Variants in C6orf89 observed in about 807,000 individuals in gnomAD.
C6orf89 encodes the protein bombesin receptor-activated protein C6orf89.
Under a neutral mutation model 40.7 loss-of-function variants are expected in C6orf89, and 29 were observed. That is an observed-to-expected ratio of 0.71 (90% CI 0.53 to 0.97). The LOEUF (loss-of-function observed/expected upper bound fraction) is 0.97. C6orf89 is among the 50% of genes least tolerant of loss of function. The pLI, the probability that C6orf89 is intolerant of heterozygous loss-of-function variation, is 0.00. For missense variants in C6orf89, 392 were observed against 429.1 expected (o/e 0.91, Z 0.76); for synonymous variants, 165 against 152.2 (o/e 1.08, Z -0.62).
intron 4 of C6orf89, among the ~76,000 whole-genome samples, chr6:36,913,270 C>T (rs1762189978): frequency 6.6e-6 from 1 of 152,208 alleles, no homozygotes; most frequent in Non-Finnish European, 1.5e-5. Context: ...GGTTGGGGGT[C>T]TTCCATTTCT....
chr6:36,912,734 C>T (rs778801267), intron 4 of C6orf89, among the ~76,000 whole-genome samples: 42 of 152,134 alleles, frequency 2.8e-4, no homozygotes, highest in Non-Finnish European at 1.8e-4. Flanking sequence ...CAGTTGCCTC[C>T]AGGAAACACA....
intron 1 of C6orf89, among the ~76,000 whole-genome samples, chr6:36,891,809 T>G (rs1761218574): frequency 6.6e-6 from 1 of 152,248 alleles, no homozygotes; most frequent in Non-Finnish European, 1.5e-5. Context: ...TGAAACTTTC[T>G]TTTGAACTGT....
chr6:36,910,225 G>A (rs1250246559), intron 4 of C6orf89, among the ~76,000 whole-genome samples: 1 of 151,914 alleles, frequency 6.6e-6, no homozygotes, highest in African/African-American at 2.4e-5. Context: ...CTCCTGAGTA[G>A]CTGGGACTAA....
intron 2 of C6orf89, among the ~76,000 whole-genome samples, chr6:36,897,867 G>T (rs902906285): frequency 1.2e-5 from 1 of 86,262 alleles, no homozygotes; most frequent in Admixed American, 1.1e-4. Flanking sequence ...GAGAATACAC[G>T]TACTATGTCA....
intron 8 of C6orf89, 74 bp from the exon 9 acceptor site, chr6:36,923,273 C>G: frequency 9.1e-7 from 1 of 1,101,166 alleles, no homozygotes; most frequent in African/African-American, 1.6e-5. Flanking sequence ...TCTGGCAGAC[C>G]TGCCTTGCTC....
At chr6:36,921,693 A>C (rs981839971) in intron 8 of C6orf89, among the ~76,000 whole-genome samples, 1 of 150,366 alleles carries the variant, frequency 6.7e-6, no homozygotes, top group African/African-American at 2.5e-5. Flanking sequence ...AACACTTAAC[A>C]TGAGATCTAC....
At chr6:36,900,872 G>T (rs1252036836) in intron 3 of C6orf89, among the ~76,000 whole-genome samples, 1 of 150,886 alleles carries the variant, frequency 6.6e-6, no homozygotes, top group African/African-American at 2.4e-5. Flanking sequence ...TTGAGACAGA[G>T]TTTCACTCTT....
intron 4 of C6orf89, among the ~76,000 whole-genome samples, chr6:36,913,109 C>T (rs1040703906): frequency 6.6e-6 from 1 of 152,074 alleles, no homozygotes; most frequent in Admixed American, 6.5e-5. Context: ...CAAAATGGAA[C>T]AGAAAGTAAA....
At chr6:36,918,495 T>C (rs9462247) in intron 7 of C6orf89, among the ~76,000 whole-genome samples, 3,609 of 152,278 alleles carry the variant, frequency 0.024, 119 homozygotes, top group African/African-American at 0.08. Flanking sequence ...GAAAACATTA[T>C]GGGCAAGGCC....
chr6:36,881,087 T>G (rs1373803498), upstream of C6orf89, among the ~76,000 whole-genome samples: 1 of 152,232 alleles, frequency 6.6e-6, no homozygotes, highest in Non-Finnish European at 1.5e-5. Context: ...GACCTTTATC[T>G]GCATTTCTGT....
chr6:36,923,312 A>G (rs1762576153), intron 8 of C6orf89, 35 bp from the exon 9 acceptor site: 1 of 1,567,826 alleles, frequency 6.4e-7, no homozygotes, highest in Non-Finnish European at 8.8e-7. Flanking sequence ...ACCCTCTGAC[A>G]TTTACATGCC....
chr6:36,922,782 T>A (rs1227413488), intron 8 of C6orf89, among the ~76,000 whole-genome samples: 1 of 152,236 alleles, frequency 6.6e-6, no homozygotes, highest in East Asian at 1.9e-4. Flanking sequence ...TGTTCTGTAA[T>A]GAAACCACAT....
rs116109471 is a variant in C6orf89 at position 36,919,921 on chromosome 6, C to T, written c.949+220C>T. ...GCTTGTACATACAACATATAGAATG[C>T]GTGTGTCTATTGATCATAGAAACTT... is the stretch of plus-strand genomic sequence containing the variant. On this transcript the variant is annotated intron_variant, in intron 8 of 8. Coordinates refer to ENST00000480824, the MANE Select transcript of C6orf89 (RefSeq NM_001286635.2). Among the ~76,000 whole-genome samples the T allele has an allele frequency of 7.3e-3, 1,112 of 152,232 alleles. 9 individuals are homozygous for T. Among genetic ancestry groups the T allele is most frequent in the Non-Finnish European group, 0.012 (803 of 68,022 alleles).
chr6:36,899,048 T>C (rs2150690319), intron 2 of C6orf89, among the ~76,000 whole-genome samples: 1 of 152,312 alleles, frequency 6.6e-6, no homozygotes, highest in South Asian at 2.1e-4. Context: ...ATCCATTTTT[T>C]TTTTATTTTA....
chr6:36,914,693 G>A lies in C6orf89; in HGVS notation c.695G>A (p.Trp232Ter). Residue 232 changes from tryptophan to a stop codon, truncating the protein, a stop_gained and splice_region_variant, in exon 6 of 9, where the codon TGG (tryptophan) becomes TAG (stop). Coordinates refer to ENST00000480824, the MANE Select transcript of C6orf89 (RefSeq NM_001286635.2). LOFTEE classifies it high-confidence loss of function. ...CGGTGGTTCCCATTTCCTTATCCAT[G>A]GTGAGTGTGAAAAGGGCCGGGCACA... ...PERWFPFPYP[W>*]RRPLNRSQML... The A allele has an allele frequency of 6.2e-7, 1 of 1,613,640 alleles. No individual in the cohort carries two copies. The highest frequency in any genetic ancestry group is 8.5e-7 in the Non-Finnish European group (1 of 1,179,600).
intron 2 of C6orf89, among the ~76,000 whole-genome samples, chr6:36,880,385 T>C (rs1774773281): frequency 6.6e-6 from 1 of 151,942 alleles, no homozygotes; most frequent in Non-Finnish European, 1.5e-5. Context: ...AAAAGAAAAA[T>C]CTTACAACTA....
chr6:36,922,289 G>A (rs1423460328), intron 8 of C6orf89, among the ~76,000 whole-genome samples: 1 of 151,452 alleles, frequency 6.6e-6, no homozygotes, highest in South Asian at 2.1e-4. Flanking sequence ...GCAGTGAGCC[G>A]AGATTGCGCC....
chr6:36,882,833 G>A (rs2150671455), upstream of C6orf89, among the ~76,000 whole-genome samples: 1 of 149,728 alleles, frequency 6.7e-6, no homozygotes, highest in Non-Finnish European at 1.5e-5. Context: ...CGCTTCCCGG[G>A]TTCACGCCAT....
chr6:36,906,775 GA>G (rs1470084933), intron 4 of C6orf89, among the ~76,000 whole-genome samples: 2 of 152,190 alleles, frequency 1.3e-5, no homozygotes, highest in Non-Finnish European at 2.9e-5. Context: ...CGGGGTACTA[GA>G]AGAGGTGCTA....
Sources: allele counts gnomAD v4.1 joint callset (sites outside exome capture counted in the v4.1 genomes callset), GRCh38; gene constraint gnomAD v4.1.1; transcripts MANE v1.5; gene names NCBI Gene and HGNC (gene_info 2026-07-23, HGNC 2026-07-21).